The following KCNK2 variants were observed in gnomAD, a reference collection of about 807,000 sequenced individuals.
KCNK2 encodes the protein potassium two pore domain channel subfamily K member 2.
A neutral mutation model predicts 40.5 loss-of-function variants in KCNK2; 21 were observed. The observed-to-expected ratio is 0.52, with a 90% CI of 0.37 to 0.75. KCNK2 has a LOEUF of 0.75. Among genes scored for constraint, KCNK2 ranks in the 30% least tolerant of loss-of-function variants. KCNK2 has a pLI of 0.00. For synonymous variants in KCNK2, 191 were observed against 202.2 expected (o/e 0.94, Z 0.47); for missense variants, 399 against 531.6 (o/e 0.75, Z 2.45).
At chr1:215,063,567 A>G (rs1658430062) in intron 1 of KCNK2, among the ~76,000 whole-genome samples, 1 of 152,226 alleles carries the variant, frequency 6.6e-6, no homozygotes, top group Admixed American at 6.5e-5. Flanking sequence ...TAACAGTAAT[A>G]ATACCATTAA....
At chr1:215,093,458 T>C in intron 2 of KCNK2, among the ~76,000 whole-genome samples, 1 of 122,172 alleles carries the variant, frequency 8.2e-6, no homozygotes, top group Non-Finnish European at 1.6e-5. Flanking sequence ...ATATATATAA[T>C]ATATAATGTA....
intron 2 of KCNK2, among the ~76,000 whole-genome samples, chr1:215,097,603 A>C (rs2102546587): frequency 6.6e-6 from 1 of 152,068 alleles, no homozygotes; most frequent in East Asian, 1.9e-4. Flanking sequence ...TAATTTTGAC[A>C]ATTTTCTCTA....
intron 2 of KCNK2, among the ~76,000 whole-genome samples, chr1:215,096,770 T>C (rs758239479): frequency 2.0e-5 from 3 of 151,986 alleles, no homozygotes; most frequent in Non-Finnish European, 4.4e-5. Flanking sequence ...AGCCAAAATA[T>C]TGAGTTCCTT....
chr1:215,055,813 A>C (rs370495017), intron 1 of KCNK2, among the ~76,000 whole-genome samples: 1 of 152,210 alleles, frequency 6.6e-6, no homozygotes, highest in African/African-American at 2.4e-5. Context: ...GCTACAACCA[A>C]TGAACGTGGA....
At chr1:215,214,057 A>C (rs1327402208) in intron 6 of KCNK2, among the ~76,000 whole-genome samples, 1 of 152,142 alleles carries the variant, frequency 6.6e-6, no homozygotes, top group Non-Finnish European at 1.5e-5. Flanking sequence ...TACTGTTACA[A>C]ATATGTTCTA....
chr1:215,035,453 A>T (rs977838055), intron 1 of KCNK2, among the ~76,000 whole-genome samples: 1 of 152,032 alleles, frequency 6.6e-6, no homozygotes, highest in African/African-American at 2.4e-5. Flanking sequence ...GAAACCACTG[A>T]TCTGTTCTCC....
intron 1 of KCNK2, among the ~76,000 whole-genome samples, chr1:215,047,255 A>C (rs1453209153): frequency 1.3e-5 from 2 of 152,134 alleles, no homozygotes; most frequent in African/African-American, 4.8e-5. Flanking sequence ...TAATGTCTTA[A>C]TTGAATACTT....
chr1:215,040,824 A>G (rs10779635), intron 1 of KCNK2, among the ~76,000 whole-genome samples: 58,466 of 151,958 alleles, frequency 0.38, 12,032 homozygotes, highest in South Asian at 0.67. Context: ...GAAGACTGAG[A>G]TTCAAATCCA....
intron 3 of KCNK2, among the ~76,000 whole-genome samples, chr1:215,156,407 T>C (rs1213212934): frequency 6.6e-6 from 1 of 152,168 alleles, no homozygotes; most frequent in Non-Finnish European, 1.5e-5. Flanking sequence ...TTCTGTGTGA[T>C]ATACTCATCT....
intron 2 of KCNK2, among the ~76,000 whole-genome samples, chr1:215,093,778 TATATATTATATATTATATAATATAAA>T (rs1659832391): frequency 7.4e-5 from 1 of 13,574 alleles, no homozygotes; most frequent in Non-Finnish European, 2.1e-4. Flanking sequence ...TAAAATATAT[TATATATTATATATTATATAATATAAA>T]ATATATTATA....
intron 5 of KCNK2, among the ~76,000 whole-genome samples, chr1:215,177,940 A>G (rs1664056540): frequency 1.3e-5 from 2 of 151,514 alleles, no homozygotes; most frequent in Admixed American, 1.3e-4. Context: ...TAATAGAAAT[A>G]GCGTTGAGTC....
intron 1 of KCNK2, among the ~76,000 whole-genome samples, chr1:215,038,760 C>T (rs890463487): frequency 6.6e-6 from 1 of 152,032 alleles, no homozygotes; most frequent in Non-Finnish European, 1.5e-5. Context: ...TCTCTCAATT[C>T]GATCCTTCTT....
rs556183959 is a variant in KCNK2 at position 215,207,710 on chromosome 1, G to T, written c.963+12618G>T. ...CCATCCAGCATATCAAGTTATTTTG[G>T]ATTCCTAAAATGTCTGGTTTTTCAC... On this transcript the variant is annotated intron_variant, in intron 6 of 6. Coordinates refer to ENST00000444842, the MANE Select transcript of KCNK2 (RefSeq NM_001017425.3). Among the ~76,000 whole-genome samples, 26 of 152,252 alleles carry T rather than the reference G, an allele frequency of 1.7e-4. No individual in the cohort carries two copies. The South Asian group carries it at 2.9e-3, about 17-fold the overall frequency.
intron 1 of KCNK2, among the ~76,000 whole-genome samples, chr1:215,059,614 T>A (rs1658301316): frequency 6.6e-6 from 1 of 152,120 alleles, no homozygotes; most frequent in Non-Finnish European, 1.5e-5. Flanking sequence ...TGGAGACTGT[T>A]GAAAGAGAAA....
rs1193096551 is a variant in KCNK2, at chr1:215,076,158, T to C, written c.35-10210T>C. 2.6e-5 allele frequency among the ~76,000 whole-genome samples: 4 copies of C among 152,246 alleles called. No homozygotes were observed. In the East Asian group the frequency reaches 7.7e-4, roughly 29 times the overall value. On this transcript the variant is annotated intron_variant, in intron 1 of 6. Coordinates refer to the KCNK2 transcript ENST00000391895. ...TTCTAATTTTAGGAATATGAATTCT[T>C]CAAAATGAATAAATTTTGGCCTTTG...
At chr1:215,010,175 A>C (rs1048142762) in intron 1 of KCNK2, among the ~76,000 whole-genome samples, 3 of 152,210 alleles carry the variant, frequency 2.0e-5, no homozygotes, top group Admixed American at 6.5e-5. Flanking sequence ...AGCCAGGTGC[A>C]AGAGAAAAAC....
At chr1:215,091,892 T>C (rs1398283509) in intron 2 of KCNK2, among the ~76,000 whole-genome samples, 1 of 152,090 alleles carries the variant, frequency 6.6e-6, no homozygotes, top group Non-Finnish European at 1.5e-5. Flanking sequence ...GTAGAAGAAC[T>C]ACAAGGATGC....
chr1:215,156,492 C>G (rs918239146), intron 3 of KCNK2, among the ~76,000 whole-genome samples: 1 of 152,212 alleles, frequency 6.6e-6, no homozygotes, highest in Non-Finnish European at 1.5e-5. Flanking sequence ...ACATTTGACT[C>G]TGTAATGTGT....
chr1:215,016,454 A>C (rs1319467124), intron 1 of KCNK2, among the ~76,000 whole-genome samples: 1 of 152,116 alleles, frequency 6.6e-6, no homozygotes, highest in Non-Finnish European at 1.5e-5. Context: ...TAAATCTACC[A>C]ATTTATGGCC....
Sources: gnomAD v4.1 joint callset for allele counts (sites outside exome capture counted in the v4.1 genomes callset) on GRCh38, gnomAD v4.1.1 for gene constraint, MANE v1.5 for transcripts, NCBI Gene and HGNC (gene_info 2026-07-23, HGNC 2026-07-21) for gene names.